The following TENT4A variants were observed in gnomAD, a reference collection of about 807,000 sequenced individuals.
TENT4A encodes the protein terminal nucleotidyltransferase 4A, also known as DNA polymerase kappa.
In TENT4A, 7 loss-of-function variants were observed where a neutral mutation model predicts 72.8. That is an observed-to-expected ratio of 0.10 (90% CI 0.05 to 0.18). The LOEUF (loss-of-function observed/expected upper bound fraction) is 0.18, where lower values mean the gene tolerates loss of function less well. TENT4A is among the 10% of genes least tolerant of loss of function. The pLI is 1.00. For missense variants in TENT4A, 831 were observed against 1,017.7 expected (o/e 0.82, Z 2.50); for synonymous variants, 456 against 434.3 (o/e 1.05, Z -0.62).
intron 7 of TENT4A, among the ~76,000 whole-genome samples, chr5:6,747,985 C>CT (rs1409871077): frequency 1.3e-5 from 2 of 152,242 alleles, no homozygotes; most frequent in Non-Finnish European, 2.9e-5. Flanking sequence ...TTAGCGTTGA[C>CT]TGAGTTGTGA....
intron 1 of TENT4A, among the ~76,000 whole-genome samples, chr5:6,726,549 C>T (rs902125930): frequency 1.2e-4 from 19 of 152,124 alleles, no homozygotes; most frequent in Non-Finnish European, 2.2e-4. Context: ...TGTCCTCTAC[C>T]GCGTTTGCAG....
chr5:6,750,941 C>A, intron 10 of TENT4A, 98 bp from the exon 11 acceptor site: 2 of 1,332,968 alleles, frequency 1.5e-6, no homozygotes, highest in Non-Finnish European at 2.1e-6. Context: ...CCTTTCATAG[C>A]CAGCCTGGAT....
rs962096562 is a variant in TENT4A, at chr5:6,756,328, A to G, written c.*1383A>G. On this transcript the variant is annotated 3_prime_UTR_variant, in exon 13 of 13. Transcript: ENST00000230859. The stretch of plus-strand genomic sequence containing the variant: ...GGGAGTTGGTTGCATCTTGTAGGCC[A>G]TCTGACTTCCTGTTTTTAAAACGGG... 2 of 152,646 alleles carry G rather than the reference A, an allele frequency of 1.3e-5. No individual in the cohort carries two copies. The highest frequency in any genetic ancestry group is 4.8e-5 in the African/African-American group (2 of 41,460). 9.5% of individuals were successfully genotyped at this position (152,646 alleles called of 1,614,324 possible).
rs1740189293 is a variant in TENT4A at position 6,713,466 on chromosome 5, T to TCACCGCCGCCGC, written c.-516_-505dup. 6.6e-6 allele frequency: 1 copy of TCACCGCCGCCGC among 151,106 alleles called. No individual in the cohort carries two copies. The highest frequency in any genetic ancestry group is 1.5e-5 in the Non-Finnish European group (1 of 68,196). 9.4% of individuals were successfully genotyped at this position (151,106 alleles called of 1,614,324 possible). A position where few individuals can be genotyped will look rare whatever the true frequency, so the allele number is the denominator to read the frequency against. Reference sequence around the variant, plus strand: ...CGCTGTCGCCGCCGAGAGTGTCTTTTCACCGCCGCCGCCGCCGCCGCCGCA... The same window carrying TCACCGCCGCCGC: ...CGCTGTCGCCGCCGAGAGTGTCTTTTCACCGCCGCCGCCACCGCCGCCGCCGCCGCCGCCGCA... On this transcript the variant is annotated 5_prime_UTR_variant, in exon 1 of 13. Coordinates refer to ENST00000230859, the MANE Select transcript of TENT4A (RefSeq NM_006999.6).
intron 2 of TENT4A, among the ~76,000 whole-genome samples, chr5:6,738,037 T>C (rs1168144467): frequency 6.6e-6 from 1 of 151,672 alleles, no homozygotes; most frequent in Non-Finnish European, 1.5e-5. Flanking sequence ...TAGCATATAA[T>C]GTGCTCATTT....
At position 6,713,969 on chromosome 5, in the gene TENT4A, G is replaced by T. The variant is rs1740227754; in HGVS notation, c.-15G>T. On this transcript the variant is annotated 5_prime_UTR_variant, in exon 1 of 13. Transcript: ENST00000230859. ...GGGCGGGCGGGCGCGCGGGCCCCGC[G>T]GGGGCGGCGCGTGGATGGATCCGCG... 4.1e-6 allele frequency: 4 copies of T among 969,116 alleles called. No homozygotes were observed. The South Asian group carries it at 1.8e-4, about 44-fold the overall frequency. The allele number at this position is 969,116 out of a possible 1,614,324, so 60.0% of individuals were successfully genotyped here.
intron 1 of TENT4A, among the ~76,000 whole-genome samples, chr5:6,716,841 C>A (rs762565465): frequency 2.6e-5 from 4 of 152,210 alleles, no homozygotes; most frequent in Non-Finnish European, 4.4e-5. Flanking sequence ...TTGGAACTTT[C>A]CTTTTCCCCT....
At chr5:6,715,872 G>A (rs1177198037) in intron 1 of TENT4A, among the ~76,000 whole-genome samples, 1 of 152,128 alleles carries the variant, frequency 6.6e-6, no homozygotes. Flanking sequence ...TGCAGACGCC[G>A]GCAGGAGCGC....
chr5:6,745,010 G>A (rs1359882980), intron 6 of TENT4A, among the ~76,000 whole-genome samples: 3 of 152,192 alleles, frequency 2.0e-5, no homozygotes, highest in East Asian at 3.9e-4. Context: ...CACAGCATGA[G>A]TGGGATTCCT....
chr5:6,721,496 T>C (rs1313339348), intron 1 of TENT4A, among the ~76,000 whole-genome samples: 5 of 152,222 alleles, frequency 3.3e-5, no homozygotes, highest in Non-Finnish European at 5.9e-5. Context: ...TAAAAATTAA[T>C]ACCTAACTAT....
chr5:6,722,925 CTT>C (rs1234393029), intron 1 of TENT4A, among the ~76,000 whole-genome samples: 11 of 152,200 alleles, frequency 7.2e-5, no homozygotes, highest in African/African-American at 2.7e-4. Flanking sequence ...CCATATGTGA[CTT>C]TTGAGCACTT....
chr5:6,720,875 C>A (rs274718), intron 1 of TENT4A, among the ~76,000 whole-genome samples: 54,896 of 151,698 alleles, frequency 0.36, 10,000 homozygotes, highest in South Asian at 0.44. Flanking sequence ...GAACCCAGTT[C>A]TCTTAAGTTG....
intron 1 of TENT4A, chr5:6,714,977 G>T: frequency 5.0e-6 from 1 of 198,608 alleles, no homozygotes; most frequent in Non-Finnish European, 1.0e-5. Flanking sequence ...ATTGGAACGG[G>T]AAATCGACTC....
At chr5:6,723,138 CTG>C (rs375472878) in intron 1 of TENT4A, among the ~76,000 whole-genome samples, 104 of 152,342 alleles carry the variant, frequency 6.8e-4, no homozygotes, top group African/African-American at 2.4e-3. Context: ...CAAGTTATCA[CTG>C]TGAAAGCTCT....
chr5:6,750,254 C>T lies in TENT4A; in HGVS notation c.1688-77C>T, dbSNP rs1742322562. The T allele has an allele frequency of 7.1e-6, 9 of 1,268,198 alleles. No individual in the cohort carries two copies. The East Asian group carries it at 1.8e-4, about 26-fold the overall frequency. 78.6% of individuals were successfully genotyped at this position (1,268,198 alleles called of 1,614,324 possible). A position where few individuals can be genotyped will look rare whatever the true frequency, so the allele number is the denominator to read the frequency against. ...TAGCAGCGTTCCCGGCTCAGCAGAG[C>T]CCGTGACTGATGCTGCCGGGGCGGC... On this transcript the variant is annotated intron_variant, in intron 9 of 12. Transcript: ENST00000230859.
intron 1 of TENT4A, among the ~76,000 whole-genome samples, chr5:6,719,179 G>A (rs1740528588): frequency 6.6e-6 from 1 of 152,100 alleles, no homozygotes; most frequent in South Asian, 2.1e-4. Flanking sequence ...GTGTCTCAAG[G>A]TAAAGTCTCA....
chr5:6,718,376 G>A (rs867575617), intron 1 of TENT4A, among the ~76,000 whole-genome samples: 3 of 152,188 alleles, frequency 2.0e-5, no homozygotes, highest in East Asian at 3.9e-4. Flanking sequence ...TGACCTGTCC[G>A]GAACATCCTT....
intron 1 of TENT4A, among the ~76,000 whole-genome samples, chr5:6,721,152 G>A (rs1164476347): frequency 1.3e-5 from 2 of 152,136 alleles, no homozygotes; most frequent in Non-Finnish European, 1.5e-5. Flanking sequence ...ATTGTAGCCC[G>A]CATTCTTAGT....
chr5:6,732,669 C>T (rs186080154), intron 1 of TENT4A, among the ~76,000 whole-genome samples: 3 of 152,284 alleles, frequency 2.0e-5, no homozygotes, highest in Admixed American at 1.3e-4. Context: ...TTTAGTAAAG[C>T]ACACTAGGAA....
Sources: allele counts gnomAD v4.1 joint callset (sites outside exome capture counted in the v4.1 genomes callset), GRCh38; gene constraint gnomAD v4.1.1; transcripts MANE v1.5; gene names NCBI Gene and HGNC (gene_info 2026-07-23, HGNC 2026-07-21).